RARB: variants seen among roughly 807,000 people sequenced by gnomAD.
RARB encodes retinoic acid receptor beta, also known as HBV-activated protein.
A neutral mutation model predicts 51.9 loss-of-function variants in RARB; 17 were observed. That is an observed-to-expected ratio of 0.33 (90% CI 0.22 to 0.49). The LOEUF is 0.49. Among genes scored for constraint, RARB ranks in the 20% least tolerant of loss-of-function variants. The pLI is 0.99. For missense variants in RARB, 369 were observed against 550.8 expected, an observed-to-expected ratio of 0.67 and a Z score of 3.30; for synonymous variants, 215 against 195.4, an observed-to-expected ratio of 1.10 and a Z score of -0.84.
intron 2 of RARB, among the ~76,000 whole-genome samples, chr3:24,869,122 A>C (rs1702900387): frequency 1.3e-5 from 2 of 152,132 alleles, no homozygotes; most frequent in Admixed American, 1.3e-4. Flanking sequence ...AATAATTCTC[A>C]ATAAGGTATA....
chr3:24,946,789 G>A (rs544352509), intron 2 of RARB, among the ~76,000 whole-genome samples: 14 of 152,210 alleles, frequency 9.2e-5, no homozygotes, highest in African/African-American at 2.9e-4. Flanking sequence ...CATTTGAACC[G>A]GGAGGGTCAA....
chr3:25,389,894 C>T (rs553833662), intron 5 of RARB, among the ~76,000 whole-genome samples: 1 of 152,058 alleles, frequency 6.6e-6, no homozygotes, highest in African/African-American at 2.4e-5. Flanking sequence ...GAGTCTTGAA[C>T]AAAAGTCAAC....
intron 5 of RARB, among the ~76,000 whole-genome samples, chr3:25,359,208 G>A (rs994472011): frequency 6.6e-6 from 1 of 152,170 alleles, no homozygotes; most frequent in South Asian, 2.1e-4. Context: ...TTTAGTCTTT[G>A]GAGGGTGTAT....
chr3:25,110,004 G>A (rs1699573152), intron 3 of RARB, among the ~76,000 whole-genome samples: 1 of 152,140 alleles, frequency 6.6e-6, no homozygotes, highest in Non-Finnish European at 1.5e-5. Context: ...TATAATACTT[G>A]TGTTCTTTTT....
chr3:24,830,901 GAGAAGA>G (rs1466417960), intron 1 of RARB, among the ~76,000 whole-genome samples: 1 of 152,154 alleles, frequency 6.6e-6, no homozygotes, highest in Non-Finnish European at 1.5e-5. Flanking sequence ...CTAGAAGTAG[GAGAAGA>G]AGAAGAAAAG....
chr3:24,981,278 T>C (rs1308543608), intron 2 of RARB, among the ~76,000 whole-genome samples: 1 of 152,158 alleles, frequency 6.6e-6, no homozygotes, highest in African/African-American at 2.4e-5. Context: ...GAACGCCATG[T>C]TGGGAGAACC....
At chr3:25,566,636 T>A in intron 3 of RARB, among the ~76,000 whole-genome samples, 1 of 152,118 alleles carries the variant, frequency 6.6e-6, no homozygotes, top group East Asian at 1.9e-4. Context: ...GTTCAGTTAC[T>A]TCATGGTGAC....
chr3:25,120,724 T>C (rs552997579), intron 3 of RARB, among the ~76,000 whole-genome samples: 145 of 152,194 alleles, frequency 9.5e-4, no homozygotes, highest in Middle Eastern at 3.4e-3. Flanking sequence ...ACCCAGCAAA[T>C]TCCATGAAGA....
At chr3:25,349,040 G>T (rs796997793) in intron 5 of RARB, among the ~76,000 whole-genome samples, 51 of 152,264 alleles carry the variant, frequency 3.3e-4, no homozygotes, top group African/African-American at 1.2e-3. Flanking sequence ...AAGAAGTAAT[G>T]TTCCCTTTAC....
chr3:25,090,581 G>A (rs1162443151), intron 3 of RARB, among the ~76,000 whole-genome samples: 1 of 152,080 alleles, frequency 6.6e-6, no homozygotes. Flanking sequence ...ATATAATGTA[G>A]ATGTTGTAGC....
At chr3:24,880,180 T>A (rs972410213) in intron 2 of RARB, among the ~76,000 whole-genome samples, 1 of 152,148 alleles carries the variant, frequency 6.6e-6, no homozygotes, top group Non-Finnish European at 1.5e-5. Flanking sequence ...TGATCTGTTA[T>A]ACCACCCTAA....
intron 1 of RARB, among the ~76,000 whole-genome samples, chr3:24,840,394 G>GC (rs1174656840): frequency 6.6e-6 from 1 of 152,166 alleles, no homozygotes; most frequent in African/African-American, 2.4e-5. Flanking sequence ...TCTGTCTATT[G>GC]CCCCCTTAGC....
chr3:25,069,404 A>G (rs1698725939), intron 3 of RARB, among the ~76,000 whole-genome samples: 1 of 152,182 alleles, frequency 6.6e-6, no homozygotes, highest in Admixed American at 6.5e-5. Flanking sequence ...GCTTTCCCAG[A>G]CAGTTTGACA....
At chr3:24,902,110 T>A (rs1703621229) in intron 2 of RARB, among the ~76,000 whole-genome samples, 2 of 152,230 alleles carry the variant, frequency 1.3e-5, no homozygotes, top group Admixed American at 6.5e-5. Context: ...TGTACTAGAT[T>A]GATGTTCTTA....
At chr3:25,266,237 G>A (rs1356943852) in intron 5 of RARB, among the ~76,000 whole-genome samples, 1 of 151,952 alleles carries the variant, frequency 6.6e-6, no homozygotes. Flanking sequence ...GGCTTTTAGG[G>A]GCTAATATTT....
At chr3:25,144,318 C>A (rs1700154863) in intron 4 of RARB, among the ~76,000 whole-genome samples, 1 of 152,028 alleles carries the variant, frequency 6.6e-6, no homozygotes, top group Admixed American at 6.6e-5. Context: ...GGAATTGTTA[C>A]CTCATGGGGA....
intron 5 of RARB, among the ~76,000 whole-genome samples, chr3:25,342,795 G>T (rs1009871451): frequency 6.6e-6 from 1 of 152,070 alleles, no homozygotes; most frequent in Non-Finnish European, 1.5e-5. Context: ...AAACAGAGAC[G>T]GTAGGTAGCA....
At position 25,245,771 on chromosome 3, in the gene RARB, G is replaced by A. The variant is rs529738930; in HGVS notation, c.178+71196G>A. Among the ~76,000 whole-genome samples the A allele has an allele frequency of 8.5e-5, 13 of 152,088 alleles. 1 individual carries two copies. In the South Asian group the frequency reaches 2.5e-3, roughly 29 times the overall value. Reference sequence around the variant, plus strand: ...TCATTTCAATCTTGGTGAATCTGACGATGATGTGTCTTGGGGTTGCTCTTC... The same window carrying A: ...TCATTTCAATCTTGGTGAATCTGACAATGATGTGTCTTGGGGTTGCTCTTC... On this transcript the variant is annotated intron_variant, in intron 5 of 11. Coordinates refer to the RARB transcript ENST00000383772.
intron 2 of RARB, among the ~76,000 whole-genome samples, chr3:24,986,635 C>G (rs1696799462): frequency 6.6e-6 from 1 of 152,108 alleles, no homozygotes; most frequent in African/African-American, 2.4e-5. Context: ...CTAATTGATT[C>G]ATAAAGATCA....
Sources: gnomAD v4.1 joint callset for allele counts (sites outside exome capture counted in the v4.1 genomes callset) on GRCh38, gnomAD v4.1.1 for gene constraint, MANE v1.5 for transcripts, NCBI Gene and HGNC (gene_info 2026-07-23, HGNC 2026-07-21) for gene names.